Variants in GALNT17 observed in about 807,000 individuals in gnomAD.
GALNT17 encodes the protein polypeptide N-acetylgalactosaminyltransferase 17.
A neutral mutation model predicts 63.7 loss-of-function variants in GALNT17; 29 were observed. That is an observed-to-expected ratio of 0.46 (90% CI 0.34 to 0.62). The LOEUF is 0.62. GALNT17 is among the 20% of genes least tolerant of loss of function. The pLI, the probability that GALNT17 is intolerant of heterozygous loss-of-function variation, is 0.01. For missense variants in GALNT17, 603 were observed against 799.6 expected (o/e 0.75, Z 2.97); for synonymous variants, 305 against 318.3 (o/e 0.96, Z 0.45).
intron 1 of GALNT17, among the ~76,000 whole-genome samples, chr7:71,221,405 T>C (rs1475840697): frequency 4.0e-5 from 5 of 125,610 alleles, no homozygotes; most frequent in Admixed American, 3.3e-4. Context: ...TTTTTTTTTT[T>C]TCCAACCCTA....
chr7:71,172,761 C>A (rs1427599723), intron 1 of GALNT17, among the ~76,000 whole-genome samples: 8 of 152,112 alleles, frequency 5.3e-5, no homozygotes, highest in Admixed American at 4.6e-4. Context: ...GCTCTGAAAC[C>A]CAGGATTTCT....
At chr7:71,523,454 A>T (rs957597880) in intron 5 of GALNT17, among the ~76,000 whole-genome samples, 1 of 151,900 alleles carries the variant, frequency 6.6e-6, no homozygotes, top group Non-Finnish European at 1.5e-5. Flanking sequence ...ACAGAGAAAG[A>T]AATGCAGATT....
At chr7:71,353,955 A>G (rs977618651) in intron 2 of GALNT17, among the ~76,000 whole-genome samples, 5 of 152,170 alleles carry the variant, frequency 3.3e-5, no homozygotes, top group Non-Finnish European at 1.5e-5. Flanking sequence ...GAAACTTACA[A>G]TTGTGGCGGA....
chr7:71,523,075 G>A (rs2116757294), intron 5 of GALNT17, among the ~76,000 whole-genome samples: 1 of 152,158 alleles, frequency 6.6e-6, no homozygotes, highest in East Asian at 1.9e-4. Context: ...AGCCAAACTG[G>A]TGGCACACAC....
intron 6 of GALNT17, among the ~76,000 whole-genome samples, chr7:71,589,822 G>T (rs1789772241): frequency 6.6e-6 from 1 of 152,128 alleles, no homozygotes; most frequent in Admixed American, 6.5e-5. Context: ...AGTTCTATGA[G>T]GCTTGCGACC....
chr7:71,388,974 G>A (rs1437120978), intron 3 of GALNT17, among the ~76,000 whole-genome samples: 1 of 152,194 alleles, frequency 6.6e-6, no homozygotes, highest in Non-Finnish European at 1.5e-5. Context: ...GAGGTGAGTG[G>A]CAGGAGAGCA....
At chr7:71,379,753 C>T (rs1432039045) in intron 2 of GALNT17, among the ~76,000 whole-genome samples, 3 of 152,076 alleles carry the variant, frequency 2.0e-5, no homozygotes, top group African/African-American at 2.4e-5. Flanking sequence ...TGTTTATGAG[C>T]GCTCCACGTG....
chr7:71,198,271 A>C (rs1408326642), intron 1 of GALNT17, among the ~76,000 whole-genome samples: 1 of 151,674 alleles, frequency 6.6e-6, no homozygotes, highest in East Asian at 1.9e-4. Flanking sequence ...AGAAATATGC[A>C]CATAGTGGCC....
chr7:71,514,816 T>G (rs1351173982), intron 5 of GALNT17, among the ~76,000 whole-genome samples: 4 of 152,214 alleles, frequency 2.6e-5, no homozygotes, highest in Admixed American at 2.6e-4. Flanking sequence ...CCTGACCACC[T>G]GATATGGTTT....
intron 5 of GALNT17, among the ~76,000 whole-genome samples, chr7:71,523,345 C>A (rs1788561050): frequency 6.6e-6 from 1 of 152,216 alleles, no homozygotes; most frequent in East Asian, 1.9e-4. Flanking sequence ...GGGAGAATTG[C>A]TTGAGCCCAG....
At chr7:71,707,526 G>A (rs1010014905) in intron 9 of GALNT17, among the ~76,000 whole-genome samples, 3 of 152,172 alleles carry the variant, frequency 2.0e-5, no homozygotes, top group African/African-American at 7.2e-5. Context: ...ACCCCAAAAC[G>A]TAGTGGCTTA....
intron 6 of GALNT17, among the ~76,000 whole-genome samples, chr7:71,580,187 T>C (rs1339307563): frequency 7.0e-6 from 1 of 142,694 alleles, no homozygotes; most frequent in Admixed American, 7.4e-5. Flanking sequence ...TAGATAGAGA[T>C]GATGGATTCG....
intron 1 of GALNT17, among the ~76,000 whole-genome samples, chr7:71,146,695 T>C (rs1788030403): frequency 6.6e-6 from 1 of 152,196 alleles, no homozygotes; most frequent in Non-Finnish European, 1.5e-5. Flanking sequence ...TAGTGATTGC[T>C]GCTCACCGGT....
At chr7:71,175,309 A>G (rs1163547045) in intron 1 of GALNT17, among the ~76,000 whole-genome samples, 2 of 151,970 alleles carry the variant, frequency 1.3e-5, no homozygotes, top group Non-Finnish European at 2.9e-5. Context: ...ATCTGTCTCA[A>G]TTATCTATCA....
intron 9 of GALNT17, among the ~76,000 whole-genome samples, chr7:71,684,012 A>C (rs1452933486): frequency 9.4e-5 from 14 of 148,560 alleles, no homozygotes; most frequent in Non-Finnish European, 2.1e-4. Flanking sequence ...CTGTCTCAAA[A>C]AAAAAAAAAA....
At chr7:71,512,425 C>T (rs1788375743) in intron 5 of GALNT17, among the ~76,000 whole-genome samples, 1 of 152,174 alleles carries the variant, frequency 6.6e-6, no homozygotes, top group African/African-American at 2.4e-5. Flanking sequence ...CATGCCCTGA[C>T]TTCCAGCTCC....
rs1015411836 is a variant in GALNT17 at position 71,670,193 on chromosome 7, C to T, written c.1404+84C>T. The T allele has an allele frequency of 5.1e-5, 79 of 1,556,744 alleles. No homozygotes were observed. In the African/African-American group the frequency reaches 9.9e-4, roughly 19 times the overall value. On this transcript the variant is annotated intron_variant, in intron 8 of 10. Coordinates refer to ENST00000333538, the MANE Select transcript of GALNT17 (RefSeq NM_022479.3). ...TTCGCTGGGGAGAAATAGAGTTGCT[C>T]ATTCATTCATTCAATGAGTGGTTTT...
At chr7:71,344,436 G>A (rs1446595224) in intron 2 of GALNT17, among the ~76,000 whole-genome samples, 1 of 152,136 alleles carries the variant, frequency 6.6e-6, no homozygotes, top group African/African-American at 2.4e-5. Context: ...GAAAAATTTG[G>A]AGTGGAAGGA....
chr7:71,674,350 A>T (rs57930406), intron 8 of GALNT17, among the ~76,000 whole-genome samples: 4,898 of 111,682 alleles, frequency 0.044, 259 homozygotes, highest in African/African-American at 0.18. Flanking sequence ...CTTCCTTTTT[A>T]AAAAAAAAAA....
Sources: allele counts gnomAD v4.1 joint callset (sites outside exome capture counted in the v4.1 genomes callset), GRCh38; gene constraint gnomAD v4.1.1; transcripts MANE v1.5; gene names NCBI Gene and HGNC (gene_info 2026-07-23, HGNC 2026-07-21).